Variants in CFAP20DC observed in about 807,000 individuals in gnomAD.
The protein encoded by CFAP20DC is CFAP20 domain containing.
Under a neutral mutation model 101.7 loss-of-function variants are expected in CFAP20DC, and 84 were observed. The ratio of observed to expected loss-of-function variants is 0.83; its 90% CI spans 0.69 to 0.99. The LOEUF (loss-of-function observed/expected upper bound fraction) is 0.99. Ranked by LOEUF, CFAP20DC falls within the 50% of genes least tolerant of loss-of-function variation. The probability of loss-of-function intolerance (pLI) is 0.00; values close to 1 mark genes in which losing one functional copy is unlikely to be tolerated. For synonymous variants in CFAP20DC, 359 were observed against 351.2 expected, an observed-to-expected ratio of 1.02 and a Z score of -0.25; for missense variants, 1,007 against 970.3, an observed-to-expected ratio of 1.04 and a Z score of -0.50.
chr3:58,860,341 A>G (rs1338569929), intron 12 of CFAP20DC, among the ~76,000 whole-genome samples: 1 of 152,170 alleles, frequency 6.6e-6, no homozygotes, highest in Admixed American at 6.6e-5. Flanking sequence ...AGCAATGACA[A>G]GAAAGCTGGG....
intron 14 of CFAP20DC, among the ~76,000 whole-genome samples, chr3:58,809,789 A>G (rs528579745): frequency 6.6e-6 from 1 of 152,264 alleles, no homozygotes; most frequent in South Asian, 2.1e-4. Flanking sequence ...GGATCAACAA[A>G]ATTGATAGAC....
Position 58,955,697 on chromosome 3 carries a change from C to T in CFAP20DC, c.279-17935G>A, listed in dbSNP as rs114710580. Among the ~76,000 whole-genome samples, 312 of 152,074 alleles carry T rather than the reference C, an allele frequency of 2.1e-3. 2 individuals are homozygous for T. The highest frequency in any genetic ancestry group is 7.4e-3 in the African/African-American group (305 of 41,484). ...CTGAACTGGTCTCAGAGGCAGTGAA[C>T]TGGGGGGGCATGTGACCTCTTGAGA... On this transcript the variant is annotated intron_variant, in intron 4 of 16. Transcript: ENST00000482387.
At chr3:58,936,384 G>T (rs1305570027) in intron 5 of CFAP20DC, among the ~76,000 whole-genome samples, 14 of 152,258 alleles carry the variant, frequency 9.2e-5, no homozygotes, top group Non-Finnish European at 1.0e-4. Context: ...CAGGGATCTA[G>T]AACTAGAAAT....
chr3:58,811,396 C>T (rs1216218390), intron 14 of CFAP20DC, among the ~76,000 whole-genome samples: 19 of 151,856 alleles, frequency 1.3e-4, no homozygotes, highest in South Asian at 6.3e-4. Flanking sequence ...TCAGAAATAA[C>T]GCCGCATATC....
Position 58,863,888 on chromosome 3 carries a change from CT to C in CFAP20DC, c.1262del (p.Glu421GlyfsTer86). 3 of 1,609,306 alleles carry C rather than the reference CT, an allele frequency of 1.9e-6. No homozygotes were observed. The highest frequency in any genetic ancestry group is 2.5e-6 in the Non-Finnish European group (3 of 1,176,880). Reference sequence around the variant, plus strand: ...GATCAGCATTTTCAGGAAAAATCCACTCATCTGACAGTTGGAAAAGATGACA... The same window carrying C: ...GATCAGCATTTTCAGGAAAAATCCACCATCTGACAGTTGGAAAAGATGACA... Reference protein sequence around the residue: ...LGPQSPDQSDEWIFPENADHI... With the variant: ...LGPQSPDQSDXWIFPENADHI... On this transcript the variant is annotated frameshift_variant, in exon 12 of 17. Coordinates refer to ENST00000482387, the MANE Select transcript of CFAP20DC (RefSeq NM_001394063.1). LOFTEE classifies it high-confidence loss of function. The surrounding 1 kb of genome is among the most constrained non-coding windows in gnomAD (Gnocchi z 5.9).
chr3:58,726,402 G>C (rs1258595870), intron 3 of CFAP20DC: 1 of 152,826 alleles, frequency 6.5e-6, no homozygotes. Flanking sequence ...ACTTATCATA[G>C]GCTCTCAAGG....
chr3:58,951,842 G>A (rs1227778287), intron 4 of CFAP20DC, among the ~76,000 whole-genome samples: 1 of 152,030 alleles, frequency 6.6e-6, no homozygotes, highest in Non-Finnish European at 1.5e-5. Context: ...CACCAACATG[G>A]CACATGTATA....
intron 7 of CFAP20DC, among the ~76,000 whole-genome samples, chr3:58,877,264 T>G (rs747156736): frequency 9.9e-5 from 15 of 152,146 alleles, no homozygotes; most frequent in Non-Finnish European, 1.6e-4. Context: ...GGGAGTAAGG[T>G]GGACACAGCC....
At chr3:59,040,603 G>A (rs1211935124) in intron 3 of CFAP20DC, among the ~76,000 whole-genome samples, 3 of 151,874 alleles carry the variant, frequency 2.0e-5, no homozygotes, top group Admixed American at 1.3e-4. Flanking sequence ...ACAAAAAAAA[G>A]GCAACTAGTC....
rs141700320 is a variant in CFAP20DC at position 58,863,843 on chromosome 3, G to C, written c.1308C>G (p.Ser436=). 1.7e-5 allele frequency: 28 copies of C among 1,613,880 alleles called. No individual in the cohort carries two copies. Among genetic ancestry groups the C allele is most frequent in the Middle Eastern group, 1.6e-4 (1 of 6,082 alleles). The change falls in exon 12 of 17, where the codon TCC becomes TCG. Residue 436 remains serine (S), a synonymous_variant. Coordinates refer to ENST00000482387, the MANE Select transcript of CFAP20DC (RefSeq NM_001394063.1). This position sits in a 1 kb window ranked among gnomAD's most constrained non-coding sequence, Gnocchi z 5.9. ...ENADHISYLA[S]SRQSLLLGDD... is the part of the protein sequence containing the mutation. ...CACCCAGAAGTAGAGACTGTCTGCT[G>C]GATGCCAGATATGAAATGTGATCAG...
At chr3:59,046,484 T>A (rs1357961928) in intron 2 of CFAP20DC, among the ~76,000 whole-genome samples, 162 bp from the exon 3 acceptor site, 1 of 152,142 alleles carries the variant, frequency 6.6e-6, no homozygotes, top group South Asian at 2.1e-4. Context: ...TGCTGGGAAC[T>A]AGAATACGGA....
chr3:58,845,205 A>G (rs1453066070), intron 13 of CFAP20DC, among the ~76,000 whole-genome samples: 1 of 150,670 alleles, frequency 6.6e-6, no homozygotes, highest in Non-Finnish European at 1.5e-5. Flanking sequence ...AACCCTTCAA[A>G]AAATTAATGA....
intron 14 of CFAP20DC, chr3:58,824,567 T>C (rs1195859360): frequency 6.6e-6 from 1 of 152,148 alleles, no homozygotes; most frequent in Non-Finnish European, 1.5e-5. Flanking sequence ...AATCCTGCCA[T>C]GTTAAAAGGT....
intron 15 of CFAP20DC, among the ~76,000 whole-genome samples, chr3:58,777,315 G>A (rs966661197): frequency 1.2e-4 from 18 of 152,160 alleles, no homozygotes; most frequent in Admixed American, 2.0e-4. Context: ...ACTGATTGAT[G>A]TCTGAAGTCT....
intron 11 of CFAP20DC, among the ~76,000 whole-genome samples, chr3:58,865,816 A>G (rs1443198617): frequency 6.6e-6 from 1 of 152,230 alleles, no homozygotes; most frequent in Non-Finnish European, 1.5e-5. Context: ...TCAACTGTCA[A>G]AAAGTCAAAG....
intron 8 of CFAP20DC, 89 bp downstream of exon 8, chr3:58,870,084 T>TACCAACCAACCAA: frequency 1.2e-6 from 1 of 830,298 alleles, no homozygotes. Flanking sequence ...TGTCTGTCTT[T>TACCAACCAACCAA]CCCTCCCTCC....
At chr3:58,835,329 T>A (rs1309577352) in intron 13 of CFAP20DC, among the ~76,000 whole-genome samples, 1 of 152,134 alleles carries the variant, frequency 6.6e-6, no homozygotes, top group African/African-American at 2.4e-5. Context: ...AGAAAAAACC[T>A]CACAGAAGTC....
intron 15 of CFAP20DC, among the ~76,000 whole-genome samples, chr3:58,777,628 G>A (rs1480445608): frequency 1.3e-5 from 2 of 152,102 alleles, no homozygotes; most frequent in East Asian, 3.8e-4. Context: ...TTTCTCAGGA[G>A]GTCCTTTAGA....
chr3:58,781,413 A>T (rs2071813924), intron 15 of CFAP20DC, among the ~76,000 whole-genome samples: 1 of 151,952 alleles, frequency 6.6e-6, no homozygotes, highest in African/African-American at 2.4e-5. Context: ...AACAAACCAA[A>T]TCTAAAATTA....
Sources: allele counts gnomAD v4.1 joint callset (sites outside exome capture counted in the v4.1 genomes callset), GRCh38; gene constraint gnomAD v4.1.1; non-coding constraint Gnocchi (gnomAD v3.1); transcripts MANE v1.5; gene names NCBI Gene and HGNC (gene_info 2026-07-23, HGNC 2026-07-21).